The following AP2B1 variants were observed in gnomAD, a reference collection of about 807,000 sequenced individuals.
AP2B1 encodes the protein AP-2 complex subunit beta.
A neutral mutation model predicts 102.0 loss-of-function variants in AP2B1; 23 were observed. The ratio of observed to expected loss-of-function variants is 0.23; its 90% CI spans 0.16 to 0.32. The LOEUF (loss-of-function observed/expected upper bound fraction) is 0.32. Ranked by LOEUF, AP2B1 falls within the 10% of genes least tolerant of loss-of-function variation. The pLI is 1.00. For synonymous variants in AP2B1, 381 were observed against 421.2 expected, an observed-to-expected ratio of 0.90 and a Z score of 1.17; for missense variants, 541 against 1,157.4, an observed-to-expected ratio of 0.47 and a Z score of 7.73.
chr17:35,679,857 G>C (rs2075779621), intron 17 of AP2B1, among the ~76,000 whole-genome samples: 2 of 151,536 alleles, frequency 1.3e-5, no homozygotes, highest in African/African-American at 4.9e-5. Context: ...GTCTTAAGAT[G>C]TAGTTTATCT....
intron 6 of AP2B1, among the ~76,000 whole-genome samples, chr17:35,625,732 G>A (rs2074296777): frequency 6.6e-6 from 1 of 152,160 alleles, no homozygotes; most frequent in South Asian, 2.1e-4. Flanking sequence ...AAGTAAAGTA[G>A]AGAAGAAATC....
chr17:35,707,152 G>A (rs1453853099), intron 18 of AP2B1, among the ~76,000 whole-genome samples: 2 of 151,804 alleles, frequency 1.3e-5, no homozygotes, highest in Non-Finnish European at 2.9e-5. Context: ...TGTTGTTGTT[G>A]TTGTTTTGTT....
intron 18 of AP2B1, among the ~76,000 whole-genome samples, chr17:35,700,387 C>CT (rs1220372367): frequency 6.6e-6 from 1 of 151,872 alleles, no homozygotes; most frequent in Non-Finnish European, 1.5e-5. Context: ...CTGGTCCTAG[C>CT]TTGGACCAGC....
chr17:35,622,031 A>T (rs140816895), intron 5 of AP2B1, among the ~76,000 whole-genome samples: 2 of 152,320 alleles, frequency 1.3e-5, no homozygotes, highest in African/African-American at 4.8e-5. Flanking sequence ...TCAACTAAGT[A>T]TGTTGTGCAA....
chr17:35,598,417 TATC>T, intron 3 of AP2B1, 82 bp downstream of exon 3: 2 of 810,666 alleles, frequency 2.5e-6, no homozygotes, highest in Non-Finnish European at 3.8e-6. Context: ...CCTTTAAAAG[TATC>T]ATAATCATAG....
chr17:35,674,836 C>T (rs1011427795), intron 17 of AP2B1, among the ~76,000 whole-genome samples: 1 of 152,168 alleles, frequency 6.6e-6, no homozygotes, highest in Admixed American at 6.5e-5. Flanking sequence ...CATCCAAATG[C>T]GATGAAGAAA....
chr17:35,671,625 C>T lies in AP2B1; in HGVS notation c.2032-129C>T, dbSNP rs1393405326. The T allele has an allele frequency of 5.4e-6, 5 of 933,756 alleles. No homozygotes were observed. The Admixed American group carries it at 6.4e-5, about 12-fold the overall frequency. The allele number at this position is 933,756 out of a possible 1,614,324, so 57.8% of individuals were successfully genotyped here. On this transcript the variant is annotated intron_variant, in intron 15 of 21. Coordinates refer to ENST00000610402, the MANE Select transcript of AP2B1 (RefSeq NM_001030006.2). Reference sequence around the variant, plus strand: ...AGATGAAGAATATACTAATTTGACTCCTAAGAATATTGTAATTATGGTGTT... The same window carrying T: ...AGATGAAGAATATACTAATTTGACTTCTAAGAATATTGTAATTATGGTGTT...
At chr17:35,618,050 T>C (rs1049459883) in intron 5 of AP2B1, among the ~76,000 whole-genome samples, 4 of 152,192 alleles carry the variant, frequency 2.6e-5, no homozygotes, top group African/African-American at 9.7e-5. Context: ...TAGTTTTACC[T>C]CTCATTCTAA....
At chr17:35,665,596 T>G (rs1432142674) in intron 14 of AP2B1, among the ~76,000 whole-genome samples, 1 of 152,240 alleles carries the variant, frequency 6.6e-6, no homozygotes, top group African/African-American at 2.4e-5. Flanking sequence ...TTATTGTTTG[T>G]GAAGGGAATC....
At chr17:35,625,413 T>C (rs919075977) in intron 6 of AP2B1, among the ~76,000 whole-genome samples, 2 of 152,210 alleles carry the variant, frequency 1.3e-5, no homozygotes, top group African/African-American at 4.8e-5. Flanking sequence ...TGATAGTTTC[T>C]TTCCATCACT....
intron 21 of AP2B1, among the ~76,000 whole-genome samples, chr17:35,722,315 A>G (rs1482432389): frequency 6.6e-6 from 1 of 152,194 alleles, no homozygotes; most frequent in Non-Finnish European, 1.5e-5. Flanking sequence ...GGACCAAAAT[A>G]GGGAGCTGTT....
At chr17:35,638,315 T>C (rs897627255) in intron 10 of AP2B1, among the ~76,000 whole-genome samples, 1 of 152,210 alleles carries the variant, frequency 6.6e-6, no homozygotes, top group Admixed American at 6.5e-5. Context: ...TATTTAGTTG[T>C]CCACATCTAA....
At chr17:35,671,490 C>T (rs760967317) in intron 15 of AP2B1, among the ~76,000 whole-genome samples, 5 of 152,166 alleles carry the variant, frequency 3.3e-5, no homozygotes, top group African/African-American at 1.2e-4. Flanking sequence ...GAAACAAATA[C>T]AAAATCTTGG....
chr17:35,620,740 C>T (rs2074151672), intron 5 of AP2B1, among the ~76,000 whole-genome samples: 1 of 152,044 alleles, frequency 6.6e-6, no homozygotes. Flanking sequence ...TCACTTGAGT[C>T]CAGGAGTTTG....
intron 18 of AP2B1, among the ~76,000 whole-genome samples, chr17:35,683,601 G>A (rs2075870210): frequency 6.6e-6 from 1 of 152,172 alleles, no homozygotes; most frequent in African/African-American, 2.4e-5. Flanking sequence ...TTTTTAGAAT[G>A]CTTGGGTGTC....
intron 18 of AP2B1, among the ~76,000 whole-genome samples, chr17:35,687,000 C>T (rs185244722): frequency 6.6e-6 from 1 of 152,280 alleles, no homozygotes; most frequent in East Asian, 1.9e-4. Context: ...AAGAAAAACC[C>T]AGTCCTGAGA....
intron 9 of AP2B1, among the ~76,000 whole-genome samples, chr17:35,631,563 C>T (rs1567855339): frequency 6.7e-6 from 1 of 149,012 alleles, no homozygotes; most frequent in Non-Finnish European, 1.5e-5. Flanking sequence ...TTATCCTCTA[C>T]TTTTTTTTTT....
rs142427186 is a variant in AP2B1, at chr17:35,641,032, T to C, written c.1438-845T>C. On this transcript the variant is annotated intron_variant, in intron 11 of 21. Transcript: ENST00000610402. ...TGTACTCAAAGCAAATAGAAAATAATGTATGTAATCTACTATAGCAATTTT... is the reference window on the plus strand; with the variant it reads ...TGTACTCAAAGCAAATAGAAAATAACGTATGTAATCTACTATAGCAATTTT... Among the ~76,000 whole-genome samples the C allele has an allele frequency of 2.2e-3, 342 of 152,294 alleles. 1 individual carries two copies. The highest frequency in any genetic ancestry group is 8.0e-3 in the African/African-American group (334 of 41,570).
intron 5 of AP2B1, among the ~76,000 whole-genome samples, chr17:35,622,509 C>A (rs774053336): frequency 3.9e-5 from 6 of 152,118 alleles, no homozygotes; most frequent in Non-Finnish European, 8.8e-5. Context: ...TCTTCCCTTG[C>A]TAACAAAATG....
Sources: gnomAD v4.1 joint callset for allele counts (sites outside exome capture counted in the v4.1 genomes callset) on GRCh38, gnomAD v4.1.1 for gene constraint, MANE v1.5 for transcripts, NCBI Gene and HGNC (gene_info 2026-07-23, HGNC 2026-07-21) for gene names.